CALR: variants seen among roughly 807,000 people sequenced by gnomAD.
The protein encoded by CALR is CRP55.
Under a neutral mutation model 51.1 loss-of-function variants are expected in CALR, and 15 were observed. That is an observed-to-expected ratio of 0.29 (90% CI 0.20 to 0.45). The LOEUF (loss-of-function observed/expected upper bound fraction) is 0.45. CALR is among the 20% of genes least tolerant of loss of function. The probability of loss-of-function intolerance (pLI) is 1.00; values close to 1 mark genes in which losing one functional copy is unlikely to be tolerated. For synonymous variants in CALR, 239 were observed against 205.9 expected (o/e 1.16, Z -1.38); for missense variants, 477 against 530.6 (o/e 0.90, Z 0.99).
At chr19:12,943,414 C>A in intron 7 of CALR, 123 bp from the exon 8 acceptor site, 1 of 856,784 alleles carries the variant, frequency 1.2e-6, no homozygotes, top group Non-Finnish European at 2.0e-6. Flanking sequence ...CAGCGGTGTT[C>A]CTTGTCTTCT....
rs1007033748 is a variant in CALR at position 12,943,446 on chromosome 19, T to C, written c.961-91T>C. ...TTCTCTGCAGATGCAGGCAGCAGAA[T>C]ATAGTGGTTATAGGAACACAGGTGG... On this transcript the variant is annotated intron_variant, in intron 7 of 8. Coordinates refer to ENST00000316448, the MANE Select transcript of CALR (RefSeq NM_004343.4). The C allele has an allele frequency of 1.3e-5, 14 of 1,080,994 alleles. No homozygotes were observed. The African/African-American group carries it at 2.0e-4, about 16-fold the overall frequency. 67.0% of individuals were successfully genotyped at this position (1,080,994 alleles called of 1,614,324 possible).
At position 12,943,648 on chromosome 19, in the gene CALR, C is replaced by T. The variant is rs1490395539; in HGVS notation, c.1053+19C>T. On this transcript the variant is annotated intron_variant, in intron 8 of 8. Transcript: ENST00000316448. ...AACAAAGGTGAGGCCTGGTCCTGGT[C>T]CTGATGTCGGGGGCGGGCAGGGCTG... 1.2e-6 allele frequency: 2 copies of T among 1,614,076 alleles called. No homozygotes were observed. Among genetic ancestry groups the T allele is most frequent in the Non-Finnish European group, 1.7e-6 (2 of 1,180,014 alleles).
chr19:12,942,229 G>T (rs1000629156), intron 7 of CALR, among the ~76,000 whole-genome samples: 1 of 151,676 alleles, frequency 6.6e-6, no homozygotes, highest in Non-Finnish European at 1.5e-5. Flanking sequence ...CAGGTGTGGT[G>T]GTGGGCGCCT....
In CALR at chr19:12,939,650, G is replaced by A. The variant is rs746566117; in HGVS notation, c.397+19G>A. 6.2e-7 allele frequency: 1 copy of A among 1,602,130 alleles called. No individual in the cohort carries two copies. Among genetic ancestry groups the A allele is most frequent in the Non-Finnish European group, 8.6e-7 (1 of 1,169,230 alleles). ...ATGTTTGGTGAGGGCCTGCTTCCTG[G>A]TGCTGATCTCTGTCCCATTAGTTAG... On this transcript the variant is annotated intron_variant, in intron 3 of 8. Transcript: ENST00000316448.
chr19:12,941,621 CA>C (rs1214976945), intron 7 of CALR, among the ~76,000 whole-genome samples: 1 of 151,830 alleles, frequency 6.6e-6, no homozygotes, highest in African/African-American at 2.4e-5. Flanking sequence ...GGACTACAGG[CA>C]CCCCCCACCA....
Position 12,944,106 on chromosome 19 carries a change from TTA to T in CALR, c.*194_*195del. On this transcript the variant is annotated 3_prime_UTR_variant, in exon 9 of 9. Coordinates refer to ENST00000316448, the MANE Select transcript of CALR (RefSeq NM_004343.4). The stretch of plus-strand genomic sequence containing the variant: ...TCCCCGCCCTTTTTTTTTTTTTTTT[TTA>T]AACTGGTATTTTATCTTTGATTCTC... 3 of 735,010 alleles carry T rather than the reference TTA, an allele frequency of 4.1e-6. No individual in the cohort carries two copies. The highest frequency in any genetic ancestry group is 6.4e-6 in the Non-Finnish European group (3 of 465,386). The allele number at this position is 735,010 out of a possible 1,614,324, so 45.5% of individuals were successfully genotyped here.
In CALR at chr19:12,938,611, C is replaced by A; in HGVS notation, c.-69C>A. The A allele has an allele frequency of 3.3e-6, 4 of 1,227,772 alleles. No individual in the cohort carries two copies. The highest frequency in any genetic ancestry group is 4.7e-6 in the Non-Finnish European group (4 of 853,908). 76.1% of individuals were successfully genotyped at this position (1,227,772 alleles called of 1,614,324 possible). On this transcript the variant is annotated 5_prime_UTR_variant, in exon 1 of 9. Transcript: ENST00000316448. ...GTGCAAGGCGGGCGGCGGCGTCCGTCCGTACTGCAGAGCCGCTGCCGGAGG... is the reference window on the plus strand; with the variant it reads ...GTGCAAGGCGGGCGGCGGCGTCCGTACGTACTGCAGAGCCGCTGCCGGAGG...
At chr19:12,939,692 C>CA (rs1417943500) in intron 3 of CALR, 61 bp downstream of exon 3, 9 of 1,403,408 alleles carry the variant, frequency 6.4e-6, no homozygotes, top group Non-Finnish European at 7.1e-6. Flanking sequence ...ACCCAGACCC[C>CA]ATTGACTTTC....
rs779644857 is a variant in CALR, at chr19:12,940,872, C to A, written c.945C>A (p.Gly315=). 6.2e-7 allele frequency: 1 copy of A among 1,614,070 alleles called. No individual in the cohort carries two copies. Among genetic ancestry groups the A allele is most frequent in the Admixed American group, 1.7e-5 (1 of 60,010 alleles). The part of the protein sequence containing the change: ...IYAYDNFGVL[G]LDLWQVKSGT... The stretch of plus-strand genomic sequence containing the variant: ...CCTATGATAACTTTGGCGTGCTGGG[C>A]CTGGACCTCTGGCAGGTGAGACTTG... The change falls in exon 7 of 9, where the codon GGC becomes GGA. Residue 315 remains glycine (G), a synonymous_variant. Coordinates refer to ENST00000316448, the MANE Select transcript of CALR (RefSeq NM_004343.4).
rs1971536957 is a variant in CALR, at chr19:12,940,867, C to G, written c.940C>G (p.Leu314Val). ...SIYAYDNFGVLGLDLWQVKSG... is the reference protein window; with the variant it reads ...SIYAYDNFGVVGLDLWQVKSG... ...CTATGCCTATGATAACTTTGGCGTG[C>G]TGGGCCTGGACCTCTGGCAGGTGAG... The change falls in exon 7 of 9, where the codon CTG becomes GTG. Residue 314 changes from leucine (L) to valine (V), a missense_variant. Leu to Val is a conservative substitution (Grantham distance 32, BLOSUM62 1). Coordinates refer to ENST00000316448, the MANE Select transcript of CALR (RefSeq NM_004343.4). 1 of 1,613,988 alleles carries G rather than the reference C, an allele frequency of 6.2e-7. No homozygotes were observed.
chr19:12,943,980 A>G lies in CALR; in HGVS notation c.*67A>G. On this transcript the variant is annotated 3_prime_UTR_variant, in exon 9 of 9. Transcript: ENST00000316448. ...TGCCGCAGAGCTGGCCGCGCCAAAT[A>G]ATGTCTCTGTGAGACTCGAGAACTT... is the stretch of plus-strand genomic sequence containing the variant. 1 of 1,591,012 alleles carries G rather than the reference A, an allele frequency of 6.3e-7. No individual in the cohort carries two copies. The highest frequency in any genetic ancestry group is 1.1e-5 in the South Asian group (1 of 87,380).
chr19:12,943,417 T>C lies in CALR; in HGVS notation c.961-120T>C, dbSNP rs963919070. ...TAACTGCAGTGTCAGCGGTGTTCCT[T>C]GTCTTCTCTGCAGATGCAGGCAGCA... On this transcript the variant is annotated intron_variant, in intron 7 of 8. Transcript: ENST00000316448. The C allele has an allele frequency of 1.0e-5, 9 of 871,246 alleles. No homozygotes were observed. In the East Asian group the frequency reaches 2.3e-4, roughly 22 times the overall value. The allele number at this position is 871,246 out of a possible 1,614,324, so 54.0% of individuals were successfully genotyped here.
Position 12,943,705 on chromosome 19 carries a change from G to A in CALR, c.1054-8G>A. 6.2e-7 allele frequency: 1 copy of A among 1,614,012 alleles called. No homozygotes were observed. The highest frequency in any genetic ancestry group is 8.5e-7 in the Non-Finnish European group (1 of 1,179,956). The stretch of plus-strand genomic sequence containing the variant: ...GGCAAGGCCCTGAGGTGTGTGCTCT[G>A]CCTGCAGGCAGCAGAGAAACAAATG... On this transcript the variant is annotated splice_polypyrimidine_tract_variant and splice_region_variant and intron_variant, in intron 8 of 8. Coordinates refer to ENST00000316448, the MANE Select transcript of CALR (RefSeq NM_004343.4).
intron 7 of CALR, among the ~76,000 whole-genome samples, chr19:12,941,953 C>T (rs1035449900): frequency 1.3e-5 from 2 of 152,058 alleles, no homozygotes; most frequent in Non-Finnish European, 2.9e-5. Context: ...CCTGTAGTCC[C>T]AACTACCAAG....
intron 7 of CALR, 62 bp downstream of exon 7, chr19:12,940,949 A>G: frequency 2.6e-6 from 4 of 1,554,064 alleles, no homozygotes; most frequent in Non-Finnish European, 3.6e-6. Context: ...ATCACCCAAG[A>G]GGAAAGGGAC....
chr19:12,942,295 G>A (rs1054738797), intron 7 of CALR, among the ~76,000 whole-genome samples: 11 of 151,374 alleles, frequency 7.3e-5, no homozygotes, highest in African/African-American at 2.2e-4. Flanking sequence ...CCCGGGAGGC[G>A]GAGCTTGCAG....
At chr19:12,941,601 C>G (rs549355897) in intron 7 of CALR, among the ~76,000 whole-genome samples, 1 of 151,544 alleles carries the variant, frequency 6.6e-6, no homozygotes, top group African/African-American at 2.4e-5. Flanking sequence ...CTCAGGGTCC[C>G]GAGTAACTGG....
chr19:12,941,022 GT>G, intron 7 of CALR, 135 bp downstream of exon 7: 1 of 832,250 alleles, frequency 1.2e-6, no homozygotes, highest in Non-Finnish European at 2.1e-6. Context: ...GTACTTCCTG[GT>G]CTGTCCCTGT....
chr19:12,939,113 C>T (rs374762391), intron 1 of CALR, 21 bp from the exon 2 acceptor site: 5 of 1,452,608 alleles, frequency 3.4e-6, no homozygotes, highest in Admixed American at 3.7e-5. Flanking sequence ...CTCTGACCTA[C>T]CCCTCTAATC....
Sources: allele counts gnomAD v4.1 joint callset (sites outside exome capture counted in the v4.1 genomes callset), GRCh38; gene constraint gnomAD v4.1.1; transcripts MANE v1.5; gene names NCBI Gene and HGNC (gene_info 2026-07-23, HGNC 2026-07-21).